Variants in TCTN3 observed in about 807,000 individuals in gnomAD.
The protein encoded by TCTN3 is tectonic family member 3.
A neutral mutation model predicts 71.3 loss-of-function variants in TCTN3; 57 were observed. The ratio of observed to expected loss-of-function variants is 0.80; its 90% CI spans 0.65 to 1.00. The LOEUF is 1.00. TCTN3 is among the 50% of genes least tolerant of loss of function. The probability of loss-of-function intolerance (pLI) is 0.00; values close to 1 mark genes in which losing one functional copy is unlikely to be tolerated. For synonymous variants in TCTN3, 258 were observed against 267.8 expected, an observed-to-expected ratio of 0.96 and a Z score of 0.36; for missense variants, 696 against 719.9, an observed-to-expected ratio of 0.97 and a Z score of 0.38.
rs367614437 is a variant in TCTN3 at position 95,680,446 on chromosome 10, G to A, written c.1590+26C>T. ...GACAATCTAGGCTTTGCAAGGTTTA[G>A]TGATCCTTTATGAGCCATGACTTAC... On this transcript the variant is annotated intron_variant, in intron 13 of 13. Transcript: ENST00000371217. The A allele has an allele frequency of 1.9e-5, 30 of 1,591,658 alleles. No homozygotes were observed. The African/African-American group carries it at 3.5e-4, about 19-fold the overall frequency.
chr10:95,672,565 T>C (rs1233062056), intron 13 of TCTN3, among the ~76,000 whole-genome samples: 1 of 152,174 alleles, frequency 6.6e-6, no homozygotes, highest in Non-Finnish European at 1.5e-5. Context: ...GCCATTCTTG[T>C]GAGCATGAAG....
rs370069674 is a variant in TCTN3 at position 95,664,196 on chromosome 10, T to C, written c.1695A>G (p.Lys565=). 1.2e-5 allele frequency: 19 copies of C among 1,614,198 alleles called. No homozygotes were observed. In the African/African-American group the frequency reaches 2.3e-4, roughly 19 times the overall value. The change falls in exon 14 of 14, where the codon AAA becomes AAG. Residue 565 remains lysine, a synonymous_variant. Transcript: ENST00000371217. ...TGAAGGGAAAGAAGTCGAATGGCCA[T>C]TTCCAGTCCATTTTGGGTTGGCCCC... ...PPRGQPKMDW[K]WPFDFFPFKV... is the part of the protein sequence containing the mutation.
At chr10:95,682,381 T>G (rs2097943852) in intron 12 of TCTN3, among the ~76,000 whole-genome samples, 1 of 151,838 alleles carries the variant, frequency 6.6e-6, no homozygotes, top group South Asian at 2.1e-4. Context: ...TCCCAGCTAC[T>G]CGGGAGGCTG....
At chr10:95,670,317 C>T (rs1228305304) in intron 13 of TCTN3, among the ~76,000 whole-genome samples, 1 of 151,502 alleles carries the variant, frequency 6.6e-6, no homozygotes, top group African/African-American at 2.4e-5. Flanking sequence ...ACTAGGTAAC[C>T]AGATAATACC....
chr10:95,687,372 A>C lies in TCTN3; in HGVS notation c.628-17T>G, dbSNP rs770902251. On this transcript the variant is annotated splice_polypyrimidine_tract_variant and intron_variant, in intron 4 of 13. Coordinates refer to ENST00000371217, the MANE Select transcript of TCTN3 (RefSeq NM_015631.6). ...GTCCCCAGCCTGAATAAAATATAAA[A>C]GAAACTTTGTTCACAGTGAGACTGG... 1.4e-5 allele frequency: 23 copies of C among 1,589,904 alleles called. No individual in the cohort carries two copies. The highest frequency in any genetic ancestry group is 1.8e-5 in the Non-Finnish European group (21 of 1,170,362).
intron 2 of TCTN3, 144 bp downstream of exon 2, chr10:95,693,209 G>A: frequency 7.3e-7 from 1 of 1,378,564 alleles, no homozygotes; most frequent in Non-Finnish European, 9.8e-7. Flanking sequence ...AATCAGAAAA[G>A]GCAATTCCTA....
At chr10:95,682,510 C>G in intron 12 of TCTN3, 141 bp downstream of exon 12, 1 of 992,704 alleles carries the variant, frequency 1.0e-6, no homozygotes, top group Non-Finnish European at 1.4e-6. Flanking sequence ...AAAAAGGCTT[C>G]AAGTGGGCAT....
chr10:95,664,611 C>A (rs995342828), intron 13 of TCTN3, among the ~76,000 whole-genome samples: 4 of 152,212 alleles, frequency 2.6e-5, no homozygotes, highest in African/African-American at 9.7e-5. Flanking sequence ...AGGTGCTTAG[C>A]AGCTCTACTC....
Position 95,685,604 on chromosome 10 carries a change from A to G in TCTN3, c.921T>C (p.Ala307=). ...FQVPVILTSQ[A]NAPLLAGNTC... ...TGTTTCCAGCCAACAGAGGAGCATT[A>G]GCCTGTGAGGTAAGTATTACAGGAA... Residue 307 remains alanine, a synonymous_variant, in exon 8 of 14, where the codon GCT becomes GCC. Transcript: ENST00000371217. 1 of 1,551,580 alleles carries G rather than the reference A, an allele frequency of 6.4e-7. No individual in the cohort carries two copies. Among genetic ancestry groups the G allele is most frequent in the Non-Finnish European group, 8.7e-7 (1 of 1,146,886 alleles).
At chr10:95,693,304 T>A (rs777633010) in intron 2 of TCTN3, 49 bp downstream of exon 2, 2 of 1,549,608 alleles carry the variant, frequency 1.3e-6, no homozygotes, top group Admixed American at 4.0e-5. Context: ...ATGTTACCCG[T>A]TGTAGGCCCC....
intron 13 of TCTN3, among the ~76,000 whole-genome samples, chr10:95,664,516 C>G (rs952169717): frequency 6.6e-6 from 1 of 152,206 alleles, no homozygotes; most frequent in East Asian, 1.9e-4. Flanking sequence ...TGAACAGTTA[C>G]ACCTACCTAA....
chr10:95,665,410 C>T (rs2097924770), intron 13 of TCTN3, among the ~76,000 whole-genome samples: 1 of 152,072 alleles, frequency 6.6e-6, no homozygotes, highest in African/African-American at 2.4e-5. Context: ...TCCCAAGTAG[C>T]TGGGATTATA....
chr10:95,668,238 C>A (rs2097927460), intron 13 of TCTN3, among the ~76,000 whole-genome samples: 2 of 107,172 alleles, frequency 1.9e-5, no homozygotes, highest in Non-Finnish European at 1.8e-5. Flanking sequence ...GACACCCTAA[C>A]AGATTAATAG....
In TCTN3 at chr10:95,682,686, A is replaced by G. The variant is rs2097944204; in HGVS notation, c.1417T>C (p.Trp473Arg). 6.2e-7 allele frequency: 1 copy of G among 1,613,992 alleles called. No homozygotes were observed. The highest frequency in any genetic ancestry group is 8.5e-7 in the Non-Finnish European group (1 of 1,179,982). The change falls in exon 12 of 14, where the codon TGG becomes CGG. Residue 473 changes from tryptophan to arginine, a missense_variant. Trp to Arg is a moderately radical substitution (Grantham distance 101). Transcript: ENST00000371217. Reference sequence around the variant, plus strand: ...CAGTGCCTGTTGAGGATCCTGGTCCACCCTCCTTTCTGGGCTGGGTCAGCA... The same window carrying G: ...CAGTGCCTGTTGAGGATCCTGGTCCGCCCTCCTTTCTGGGCTGGGTCAGCA... Reference protein sequence around the residue: ...GNADPAQKGGWTRILNRHCSI... With the variant: ...GNADPAQKGGRTRILNRHCSI...
In TCTN3 at chr10:95,686,543, C is replaced by T; in HGVS notation, c.853-13G>A. On this transcript the variant is annotated splice_polypyrimidine_tract_variant and intron_variant, in intron 6 of 13. Transcript: ENST00000371217. ...TGCTTCTTGGAACCTAGGAGAACAG[C>T]AGGGACATGAATGTGCATATACCTT... 1.2e-6 allele frequency: 2 copies of T among 1,614,008 alleles called. No individual in the cohort carries two copies. The highest frequency in any genetic ancestry group is 1.7e-6 in the Non-Finnish European group (2 of 1,179,920).
intron 9 of TCTN3, 24 bp from the exon 10 acceptor site, chr10:95,683,653 CA>C: frequency 6.3e-7 from 1 of 1,591,488 alleles, no homozygotes; most frequent in Non-Finnish European, 8.6e-7. Context: ...GAAGAGAAGT[CA>C]ATTATGGAGA....
intron 13 of TCTN3, among the ~76,000 whole-genome samples, chr10:95,679,684 C>T (rs1351995212): frequency 6.8e-6 from 1 of 147,240 alleles, no homozygotes; most frequent in Non-Finnish European, 1.5e-5. Context: ...CTCCGCCTCT[C>T]GGGTTCACGC....
intron 13 of TCTN3, among the ~76,000 whole-genome samples, chr10:95,671,856 A>C (rs1475332833): frequency 6.6e-6 from 1 of 152,134 alleles, no homozygotes; most frequent in Admixed American, 6.5e-5. Context: ...TTGGTCTCCC[A>C]AAGTGCTGGG....
chr10:95,683,232 A>AG (rs2097944870), intron 10 of TCTN3, 37 bp from the exon 11 acceptor site: 2 of 1,581,046 alleles, frequency 1.3e-6, no homozygotes, highest in South Asian at 1.2e-5. Context: ...ACATCATAAC[A>AG]GAAAAAAAAA....
Sources: gnomAD v4.1 joint callset for allele counts (sites outside exome capture counted in the v4.1 genomes callset) on GRCh38, gnomAD v4.1.1 for gene constraint, MANE v1.5 for transcripts, NCBI Gene and HGNC (gene_info 2026-07-23, HGNC 2026-07-21) for gene names.